The following USP34 variants were observed in gnomAD, a reference collection of about 807,000 sequenced individuals.
USP34 encodes the protein ubiquitin specific peptidase 34.
A neutral mutation model predicts 460.3 loss-of-function variants in USP34; 70 were observed. That is an observed-to-expected ratio of 0.15 (90% CI 0.13 to 0.19). The LOEUF is 0.19. USP34 is among the 10% of genes least tolerant of loss of function. The probability of loss-of-function intolerance (pLI) is 1.00; values close to 1 mark genes in which losing one functional copy is unlikely to be tolerated. For missense variants in USP34, 3,985 were observed against 4,236.2 expected (o/e 0.94, Z 1.65); for synonymous variants, 1,647 against 1,405.3 (o/e 1.17, Z -3.85).
intron 62 of USP34, among the ~76,000 whole-genome samples, chr2:61,223,855 T>C (rs1424435362): frequency 6.6e-6 from 1 of 152,204 alleles, no homozygotes; most frequent in Non-Finnish European, 1.5e-5. Context: ...TATAAAAATT[T>C]CAGCTATATT....
At chr2:61,387,262 G>A (rs1325787862) in intron 5 of USP34, among the ~76,000 whole-genome samples, 2 of 152,028 alleles carry the variant, frequency 1.3e-5, no homozygotes, top group Non-Finnish European at 2.9e-5. Context: ...AGGAGTTCGA[G>A]ACCAAGCTGG....
chr2:61,257,900 A>G, intron 44 of USP34, among the ~76,000 whole-genome samples: 1 of 152,222 alleles, frequency 6.6e-6, no homozygotes. Context: ...ACAAACAAAA[A>G]AAACACTCAC....
chr2:61,228,820 G>C lies in USP34; in HGVS notation c.7368+7C>G. On this transcript the variant is annotated splice_region_variant and intron_variant, in intron 60 of 79. Transcript: ENST00000398571. ...TAATCAAAAAAATAGACAAGATATA[G>C]CCTCACCTCTTCTTCACCCATTTTT... 1 of 1,597,296 alleles carries C rather than the reference G, an allele frequency of 6.3e-7. No homozygotes were observed. Among genetic ancestry groups the C allele is most frequent in the Non-Finnish European group, 8.5e-7 (1 of 1,172,458 alleles).
intron 8 of USP34, among the ~76,000 whole-genome samples, chr2:61,376,346 GTCC>G (rs1692799993): frequency 6.6e-6 from 1 of 152,128 alleles, no homozygotes; most frequent in Admixed American, 6.5e-5. Flanking sequence ...TTTACCACCA[GTCC>G]TCAATACTTT....
intron 10 of USP34, among the ~76,000 whole-genome samples, chr2:61,360,736 A>C (rs1216861727): frequency 1.3e-5 from 2 of 152,202 alleles, no homozygotes; most frequent in Admixed American, 1.3e-4. Flanking sequence ...GGCTCATTGC[A>C]GCCTCGACGT....
At chr2:61,418,419 T>C (rs1325374875) in intron 2 of USP34, among the ~76,000 whole-genome samples, 1 of 152,160 alleles carries the variant, frequency 6.6e-6, no homozygotes, top group Non-Finnish European at 1.5e-5. Flanking sequence ...CCATTACCTA[T>C]ACTGTAGATA....
At position 61,283,263 on chromosome 2, in the gene USP34, T is replaced by A; in HGVS notation, c.4880A>T (p.His1627Leu). The A allele has an allele frequency of 6.2e-7, 1 of 1,611,526 alleles. No individual in the cohort carries two copies. Among genetic ancestry groups the A allele is most frequent in the Non-Finnish European group, 8.5e-7 (1 of 1,179,066 alleles). The change falls in exon 37 of 80, where the codon CAT becomes CTT. Residue 1627 changes from histidine to leucine, a missense_variant. His to Leu is a moderately conservative substitution (Grantham distance 99, BLOSUM62 -3). Around this residue, in one of 14 missense-constraint regions of USP34, gnomAD observed 1,114 missense variants for 1,122.5 expected, o/e 0.99. Coordinates refer to ENST00000398571, the MANE Select transcript of USP34 (RefSeq NM_014709.4). ...ACTCACCAAGAGCCACATTGAATAA[T>A]GTGAAACTAAAGAAAAATTAGAAAA... ...SDHRSRHEVSHYSMWLLVSWA... is the reference protein window; with the variant it reads ...SDHRSRHEVSLYSMWLLVSWA...
rs1015649465 is a variant in USP34, at chr2:61,395,638, T to G, written c.553-405A>C. ...CGTCTCTACTAAAAATACAAAAAATTAGCCGGGCGCAGTGGCGGGCGCCTG... is the reference window on the plus strand; with the variant it reads ...CGTCTCTACTAAAAATACAAAAAATGAGCCGGGCGCAGTGGCGGGCGCCTG... On this transcript the variant is annotated intron_variant, in intron 3 of 79. Coordinates refer to ENST00000398571, the MANE Select transcript of USP34 (RefSeq NM_014709.4). 1.4e-4 allele frequency among the ~76,000 whole-genome samples: 20 copies of G among 144,860 alleles called. 1 individual carries two copies. Among genetic ancestry groups the G allele is most frequent in the African/African-American group, 5.3e-4 (20 of 37,728 alleles).
chr2:61,249,245 T>C (rs1443756701), intron 48 of USP34, among the ~76,000 whole-genome samples: 1 of 152,226 alleles, frequency 6.6e-6, no homozygotes, highest in Non-Finnish European at 1.5e-5. Flanking sequence ...ACACTACTCT[T>C]GCACTTTGGT....
chr2:61,305,151 C>G (rs1690363439), intron 27 of USP34, among the ~76,000 whole-genome samples: 1 of 152,112 alleles, frequency 6.6e-6, no homozygotes, highest in South Asian at 2.1e-4. Flanking sequence ...TGATGAAACC[C>G]TGTTTCTACT....
intron 65 of USP34, 156 bp from the exon 66 acceptor site, chr2:61,221,762 A>C (rs1572846748): frequency 1.7e-6 from 1 of 582,470 alleles, no homozygotes; most frequent in East Asian, 3.4e-5. Context: ...AACTACCATA[A>C]AGCAGCAGGA....
chr2:61,238,847 G>A (rs926287929), intron 53 of USP34, among the ~76,000 whole-genome samples: 1 of 152,050 alleles, frequency 6.6e-6, no homozygotes, highest in African/African-American at 2.4e-5. Flanking sequence ...CAAATTGAAG[G>A]GCTGTGGCAG....
At chr2:61,278,909 A>G (rs767553717) in intron 39 of USP34, among the ~76,000 whole-genome samples, 4 of 152,182 alleles carry the variant, frequency 2.6e-5, no homozygotes, top group Non-Finnish European at 4.4e-5. Context: ...TTTTAACAAT[A>G]AACTAAATTC....
In USP34 at chr2:61,354,975, C is replaced by T. The variant is rs193011627; in HGVS notation, c.1252-4282G>A. ...CCAGCCCAATCTCAGAGCCCCACAT[C>T]CCTCTGTTGTTGCTGTATCCCCCAT... On this transcript the variant is annotated intron_variant, in intron 10 of 79. Transcript: ENST00000398571. Among the ~76,000 whole-genome samples, 6 of 152,314 alleles carry T rather than the reference C, an allele frequency of 3.9e-5. No homozygotes were observed. In the East Asian group the frequency reaches 1.2e-3, roughly 29 times the overall value.
intron 2 of USP34, chr2:61,417,049 G>A: frequency 1.5e-6 from 2 of 1,322,094 alleles, no homozygotes; most frequent in South Asian, 1.2e-5. Flanking sequence ...CTGGCAGCCG[G>A]GGAACTTGAA....
At chr2:61,239,584 A>G (rs1255510946) in intron 53 of USP34, among the ~76,000 whole-genome samples, 1 of 152,226 alleles carries the variant, frequency 6.6e-6, no homozygotes, top group Non-Finnish European at 1.5e-5. Context: ...TTATACAAAT[A>G]GGTAAGTTTA....
At chr2:61,340,983 C>T (rs1691580794) in intron 16 of USP34, among the ~76,000 whole-genome samples, 1 of 151,562 alleles carries the variant, frequency 6.6e-6, no homozygotes, top group Non-Finnish European at 1.5e-5. Flanking sequence ...CCCTTGTGAT[C>T]CTTTACAATC....
At chr2:61,388,112 C>A (rs1693223387) in intron 5 of USP34, among the ~76,000 whole-genome samples, 1 of 152,014 alleles carries the variant, frequency 6.6e-6, no homozygotes, top group South Asian at 2.1e-4. Flanking sequence ...CTTAGCGGGG[C>A]ATGGTGGCAC....
rs1158640416 is a variant in USP34, at chr2:61,350,577, A to G, written c.1368T>C (p.His456=). Residue 456 remains histidine, a synonymous_variant, in exon 11 of 80, where the codon CAT becomes CAC. Transcript: ENST00000398571. ...GTTTTGAATGTATTACCTGTTCAGT[A>G]TGAACACTTGGCTCAAGAGCTGAGA... The part of the protein sequence containing the change: ...NLVSALEPSV[H]TEQTLYLASM... 1.2e-6 allele frequency: 2 copies of G among 1,611,264 alleles called. No homozygotes were observed. The highest frequency in any genetic ancestry group is 2.2e-5 in the South Asian group (2 of 90,142).
Sources: allele counts gnomAD v4.1 joint callset (sites outside exome capture counted in the v4.1 genomes callset), GRCh38; gene constraint gnomAD v4.1.1; regional missense constraint gnomAD v4.1.1; transcripts MANE v1.5; gene names NCBI Gene and HGNC (gene_info 2026-07-23, HGNC 2026-07-21).